RMDN2: variants seen among roughly 807,000 people sequenced by gnomAD.
RMDN2 encodes the protein regulator of microtubule dynamics protein 2.
A neutral mutation model predicts 52.8 loss-of-function variants in RMDN2; 61 were observed. The ratio of observed to expected loss-of-function variants is 1.16; its 90% CI spans 0.94 to 1.43. The LOEUF is 1.43. Ranked by LOEUF, RMDN2 falls within the 40% of genes most tolerant of loss-of-function variation. The pLI, the probability that RMDN2 is intolerant of heterozygous loss-of-function variation, is 0.00. For missense variants in RMDN2, 592 were observed against 475.3 expected, an observed-to-expected ratio of 1.25 and a Z score of -2.28; for synonymous variants, 180 against 153.1, an observed-to-expected ratio of 1.18 and a Z score of -1.30.
At chr2:37,974,837 C>A in intron 3 of RMDN2, 1 of 186,958 alleles carries the variant, frequency 5.3e-6, no homozygotes, top group Non-Finnish European at 1.1e-5. Flanking sequence ...TTTCAATTTA[C>A]AGATATTAAC....
chr2:38,005,655 C>T (rs1054402306), intron 10 of RMDN2, among the ~76,000 whole-genome samples: 4 of 152,238 alleles, frequency 2.6e-5, no homozygotes, highest in East Asian at 1.9e-4. Context: ...TGTAGGTTGC[C>T]GGTTCACTCT....
intron 10 of RMDN2, among the ~76,000 whole-genome samples, chr2:38,041,010 A>T (rs545664768): frequency 6.6e-6 from 1 of 152,270 alleles, no homozygotes; most frequent in Admixed American, 6.5e-5. Flanking sequence ...TTCAAATTCC[A>T]ATTGTTTATT....
chr2:37,976,299 C>CA (rs946639338), intron 4 of RMDN2: 1 of 152,190 alleles, frequency 6.6e-6, no homozygotes, highest in African/African-American at 2.4e-5. Flanking sequence ...TACTGGATGT[C>CA]AAAATGTGTC....
At chr2:37,924,808 C>T (rs978199780), upstream of RMDN2, among the ~76,000 whole-genome samples, 1 of 152,188 alleles carries the variant, frequency 6.6e-6, no homozygotes, top group African/African-American at 2.4e-5. Flanking sequence ...AAGGAAGAGG[C>T]TGTCAAAATT....
chr2:37,952,349 G>C (rs1277487059), intron 2 of RMDN2: 1 of 684,654 alleles, frequency 1.5e-6, no homozygotes, highest in Non-Finnish European at 2.4e-6. Flanking sequence ...CTACATTGCA[G>C]TGTAAATTTA....
intron 2 of RMDN2, among the ~76,000 whole-genome samples, chr2:37,955,218 C>G (rs563361865): frequency 6.6e-6 from 1 of 152,062 alleles, no homozygotes; most frequent in African/African-American, 2.4e-5. Context: ...CTGGCTAGGA[C>G]TTTTAGTACT....
chr2:37,978,386 C>G (rs1216191415), intron 4 of RMDN2, among the ~76,000 whole-genome samples: 1 of 151,930 alleles, frequency 6.6e-6, no homozygotes, highest in East Asian at 1.9e-4. Flanking sequence ...CTGCCCTACC[C>G]TGGGTATTAT....
chr2:37,923,268 G>C (rs1001176191), upstream of RMDN2: 2 of 152,206 alleles, frequency 1.3e-5, no homozygotes, highest in Non-Finnish European at 1.5e-5. Context: ...TCAAGGAATA[G>C]AAACAAATGT....
At chr2:37,941,736 C>T (rs1667805931) in intron 2 of RMDN2, among the ~76,000 whole-genome samples, 1 of 152,094 alleles carries the variant, frequency 6.6e-6, no homozygotes, top group Non-Finnish European at 1.5e-5. Context: ...ATGGTGGATG[C>T]CCCTTCCCCA....
At chr2:37,974,338 C>T (rs1019140500) in intron 3 of RMDN2, 124 bp downstream of exon 3, 6 of 596,748 alleles carry the variant, frequency 1.0e-5, no homozygotes, top group Non-Finnish European at 1.5e-5. Flanking sequence ...TGTAAAATTT[C>T]TCTATAAAAT....
intron 10 of RMDN2, among the ~76,000 whole-genome samples, chr2:38,044,475 T>G (rs955699399): frequency 6.6e-6 from 1 of 152,112 alleles, no homozygotes; most frequent in African/African-American, 2.4e-5. Context: ...TTCTGCCCTT[T>G]TGTTTCTTTT....
chr2:38,014,802 G>A (rs968763498), intron 10 of RMDN2, among the ~76,000 whole-genome samples: 26 of 152,094 alleles, frequency 1.7e-4, no homozygotes, highest in South Asian at 4.1e-4. Flanking sequence ...GTGATACAAA[G>A]AGAAAAAAAC....
chr2:38,031,994 A>G (rs1333435057), intron 10 of RMDN2, among the ~76,000 whole-genome samples: 2 of 152,194 alleles, frequency 1.3e-5, no homozygotes, highest in Non-Finnish European at 2.9e-5. Flanking sequence ...TCAGTCTTCT[A>G]AAAAAGAAAA....
At chr2:38,014,675 C>G (rs1263548032) in intron 10 of RMDN2, among the ~76,000 whole-genome samples, 1 of 152,108 alleles carries the variant, frequency 6.6e-6, no homozygotes, top group Non-Finnish European at 1.5e-5. Context: ...CCATATTTTT[C>G]CAACACTATC....
chr2:37,939,571 G>A (rs1667602159), intron 2 of RMDN2, among the ~76,000 whole-genome samples: 1 of 152,140 alleles, frequency 6.6e-6, no homozygotes, highest in Non-Finnish European at 1.5e-5. Flanking sequence ...GAATCTGGGT[G>A]CTCTTGTATT....
At chr2:37,980,775 C>A (rs1422339380) in intron 4 of RMDN2, among the ~76,000 whole-genome samples, 1 of 151,974 alleles carries the variant, frequency 6.6e-6, no homozygotes, top group African/African-American at 2.4e-5. Flanking sequence ...CTCTGCTGTG[C>A]CCTCTTTTTC....
chr2:38,000,003 T>C (rs559154035), intron 8 of RMDN2, among the ~76,000 whole-genome samples: 15 of 152,274 alleles, frequency 9.9e-5, no homozygotes, highest in Admixed American at 9.2e-4. Context: ...AATAATATAT[T>C]TTATATTCTT....
chr2:37,965,344 T>G (rs965016173), intron 2 of RMDN2, among the ~76,000 whole-genome samples: 10 of 151,646 alleles, frequency 6.6e-5, no homozygotes, highest in African/African-American at 1.2e-4. Context: ...TTTAGTTTTT[T>G]TTTTTTTTTT....
chr2:37,934,103 C>G, intron 2 of RMDN2, among the ~76,000 whole-genome samples: 1 of 152,134 alleles, frequency 6.6e-6, no homozygotes, highest in East Asian at 1.9e-4. Context: ...TGTAACATTT[C>G]TCTTTTGCAA....
Sources: allele counts gnomAD v4.1 joint callset (sites outside exome capture counted in the v4.1 genomes callset), GRCh38; gene constraint gnomAD v4.1.1; transcripts MANE v1.5; gene names NCBI Gene and HGNC (gene_info 2026-07-23, HGNC 2026-07-21).